HMCN1: variants seen among roughly 807,000 people sequenced by gnomAD.
HMCN1 encodes hemicentin 1, also known as hemicentin-1.
In HMCN1, 321 loss-of-function variants were observed where a neutral mutation model predicts 625.9. The observed-to-expected ratio is 0.51, with a 90% CI of 0.47 to 0.56. The LOEUF (loss-of-function observed/expected upper bound fraction) is 0.56. Among genes scored for constraint, HMCN1 ranks in the 20% least tolerant of loss-of-function variants. The probability of loss-of-function intolerance (pLI) is 0.00; values close to 1 mark genes in which losing one functional copy is unlikely to be tolerated. For missense variants in HMCN1, 6,588 were observed against 6,887.3 expected (o/e 0.96, Z 1.54); for synonymous variants, 2,425 against 2,417.6 (o/e 1.00, Z -0.09).
intron 1 of HMCN1, among the ~76,000 whole-genome samples, chr1:185,789,087 G>A (rs1657819356): frequency 6.6e-6 from 1 of 152,126 alleles, no homozygotes; most frequent in Non-Finnish European, 1.5e-5. Context: ...TTCACATGTA[G>A]TATTTGTCAC....
chr1:185,750,051 T>G (rs891472551), intron 1 of HMCN1, among the ~76,000 whole-genome samples: 5 of 152,220 alleles, frequency 3.3e-5, no homozygotes, highest in African/African-American at 1.2e-4. Context: ...TTAACCTGCT[T>G]TATTTTTCTT....
chr1:186,151,842 C>T (rs1650686442), intron 95 of HMCN1, 99 bp downstream of exon 95: 3 of 1,252,266 alleles, frequency 2.4e-6, no homozygotes, highest in Non-Finnish European at 3.4e-6. Flanking sequence ...TAATTTGAAA[C>T]TTTTTACGCA....
intron 79 of HMCN1, 62 bp from the exon 80 acceptor site, chr1:186,119,949 T>G: frequency 6.2e-7 from 1 of 1,613,956 alleles, no homozygotes; most frequent in Non-Finnish European, 8.5e-7. Context: ...CGAATCAGCA[T>G]GATTGTTTTT....
At chr1:186,004,095 C>G (rs1276479950) in intron 29 of HMCN1, among the ~76,000 whole-genome samples, 1 of 152,126 alleles carries the variant, frequency 6.6e-6, no homozygotes, top group Non-Finnish European at 1.5e-5. Context: ...TTAATATACA[C>G]TAAATATCCT....
chr1:185,941,771 A>T (rs1022360628), intron 11 of HMCN1, among the ~76,000 whole-genome samples: 1 of 152,226 alleles, frequency 6.6e-6, no homozygotes, highest in Non-Finnish European at 1.5e-5. Flanking sequence ...TACTATAAAG[A>T]TGTTAGAGAA....
intron 15 of HMCN1, among the ~76,000 whole-genome samples, chr1:185,972,449 T>C (rs1342337338): frequency 1.3e-5 from 2 of 152,214 alleles, no homozygotes; most frequent in Admixed American, 6.5e-5. Context: ...GTATTTATGC[T>C]TTATTTCTTG....
At position 185,910,219 on chromosome 1, in the gene HMCN1, G is replaced by C. The variant is rs187468587; in HGVS notation, c.793+711G>C. 1.8e-3 allele frequency among the ~76,000 whole-genome samples: 279 copies of C among 152,022 alleles called. 1 individual carries two copies. Among genetic ancestry groups the C allele is most frequent in the African/African-American group, 6.3e-3 (261 of 41,504 alleles). On this transcript the variant is annotated intron_variant, in intron 5 of 106. Transcript: ENST00000271588. Reference sequence around the variant, plus strand: ...TTTTTTTCTCTATATTTATAAATAGGGAAGGGGATAACTGGTTTTCTTACT... The same window carrying C: ...TTTTTTTCTCTATATTTATAAATAGCGAAGGGGATAACTGGTTTTCTTACT...
intron 14 of HMCN1, 118 bp downstream of exon 14, chr1:185,966,033 A>T: frequency 1.4e-6 from 1 of 724,356 alleles, no homozygotes; most frequent in Non-Finnish European, 2.5e-6. Context: ...AAATGTGTTT[A>T]TGATCTCACT....
In HMCN1 at chr1:185,742,124, T is replaced by C. The variant is rs115602118; in HGVS notation, c.268+7077T>C. ...TGAAACAGAATACTTGTGTTCTTTTTCTTATTCTTGTCACTTCAGCAAATC... is the reference window on the plus strand; with the variant it reads ...TGAAACAGAATACTTGTGTTCTTTTCCTTATTCTTGTCACTTCAGCAAATC... On this transcript the variant is annotated intron_variant, in intron 1 of 106. Coordinates refer to ENST00000271588, the MANE Select transcript of HMCN1 (RefSeq NM_031935.3). 8.3e-3 allele frequency among the ~76,000 whole-genome samples: 1,258 copies of C among 152,308 alleles called. 12 individuals carry two copies. Among genetic ancestry groups the C allele is most frequent in the Middle Eastern group, 0.027 (8 of 294 alleles).
At chr1:186,119,978 T>G in intron 79 of HMCN1, 33 bp from the exon 80 acceptor site, 1 of 1,613,998 alleles carries the variant, frequency 6.2e-7, no homozygotes, top group Non-Finnish European at 8.5e-7. Context: ...GGCTTTTTTT[T>G]TTCCCCACTC....
intron 1 of HMCN1, among the ~76,000 whole-genome samples, chr1:185,792,663 A>G (rs1328126573): frequency 4.6e-5 from 7 of 152,322 alleles, no homozygotes; most frequent in African/African-American, 1.7e-4. Context: ...ATTATTACCT[A>G]CTAAGATATA....
chr1:185,789,160 T>C (rs903047174), intron 1 of HMCN1, among the ~76,000 whole-genome samples: 5 of 152,220 alleles, frequency 3.3e-5, no homozygotes, highest in African/African-American at 9.6e-5. Context: ...TGGTACCTTA[T>C]TGAGTATTAA....
At position 185,887,891 on chromosome 1, in the gene HMCN1, C is replaced by G. The variant is rs1458185861; in HGVS notation, c.622-21446C>G. On this transcript the variant is annotated intron_variant, in intron 4 of 106. Transcript: ENST00000271588. ...CCCTGACGAATCGCCACACTGACTTCCACAATGGTTGAACTAGTTTACAGT... is the reference window on the plus strand; with the variant it reads ...CCCTGACGAATCGCCACACTGACTTGCACAATGGTTGAACTAGTTTACAGT... Among the ~76,000 whole-genome samples, 5 of 142,274 alleles carry G rather than the reference C, an allele frequency of 3.5e-5. No homozygotes were observed. The East Asian group carries it at 9.8e-4, about 28-fold the overall frequency. The allele number at this position is 142,274 out of a possible 152,430, so 93.3% of individuals were successfully genotyped here.
At chr1:185,750,125 C>G (rs1018197903) in intron 1 of HMCN1, among the ~76,000 whole-genome samples, 2 of 152,146 alleles carry the variant, frequency 1.3e-5, no homozygotes, top group South Asian at 2.1e-4. Context: ...GTTCTATGCT[C>G]TCTTCTAAAT....
chr1:186,173,229 G>A (rs1652342429), intron 102 of HMCN1, among the ~76,000 whole-genome samples: 1 of 152,076 alleles, frequency 6.6e-6, no homozygotes, highest in African/African-American at 2.4e-5. Flanking sequence ...CAATATGATA[G>A]GAGTGGGAGA....
chr1:185,948,497 G>T (rs1421250458), intron 11 of HMCN1, among the ~76,000 whole-genome samples: 1 of 151,364 alleles, frequency 6.6e-6, no homozygotes, highest in Non-Finnish European at 1.5e-5. Flanking sequence ...GGTGCTCAGT[G>T]GGGGTGCTTT....
chr1:185,748,314 C>G (rs1162470347), intron 1 of HMCN1, among the ~76,000 whole-genome samples: 1 of 152,054 alleles, frequency 6.6e-6, no homozygotes, highest in Admixed American at 6.6e-5. Context: ...CCTCCTTGAT[C>G]AGATCATTAC....
At chr1:186,094,395 C>CT (rs1183994870) in intron 67 of HMCN1, 22 bp downstream of exon 67, 2 of 1,549,138 alleles carry the variant, frequency 1.3e-6, no homozygotes, top group Non-Finnish European at 1.8e-6. Context: ...AGAAATGACC[C>CT]TATTACTTTG....
At chr1:185,759,594 T>C (rs1304899380) in intron 1 of HMCN1, among the ~76,000 whole-genome samples, 1 of 152,238 alleles carries the variant, frequency 6.6e-6, no homozygotes, top group African/African-American at 2.4e-5. Flanking sequence ...AGTAATATTT[T>C]GACCTAAATT....
Sources: gnomAD v4.1 joint callset for allele counts (sites outside exome capture counted in the v4.1 genomes callset) on GRCh38, gnomAD v4.1.1 for gene constraint, MANE v1.5 for transcripts, NCBI Gene and HGNC (gene_info 2026-07-23, HGNC 2026-07-21) for gene names.